The following UBE2D2 variants were observed in gnomAD, a reference collection of about 807,000 sequenced individuals.
The protein encoded by UBE2D2 is ubiquitin conjugating enzyme E2 D2, also known as ubiquitin-conjugating enzyme E2 D2.
In UBE2D2, 2 loss-of-function variants were observed where a neutral mutation model predicts 24.2. That is an observed-to-expected ratio of 0.08 (90% confidence interval 0.03 to 0.26). The LOEUF (loss-of-function observed/expected upper bound fraction) is 0.26, where lower values mean the gene tolerates loss of function less well. Among genes scored for constraint, UBE2D2 ranks in the 10% least tolerant of loss-of-function variants. The probability of loss-of-function intolerance (pLI) is 1.00; values close to 1 mark genes in which losing one functional copy is unlikely to be tolerated. For synonymous variants in UBE2D2, 58 were observed against 56.5 expected (o/e 1.03, Z -0.12); for missense variants, 44 against 177.6 (o/e 0.25, Z 4.28).
intron 1 of UBE2D2, among the ~76,000 whole-genome samples, chr5:139,591,646 T>C (rs1216471555): frequency 6.6e-6 from 1 of 152,194 alleles, no homozygotes. Flanking sequence ...GTCTATCAGC[T>C]GCAGATGATT....
intron 1 of UBE2D2, among the ~76,000 whole-genome samples, chr5:139,563,192 A>C (rs953051994): frequency 6.6e-6 from 1 of 152,194 alleles, no homozygotes; most frequent in Non-Finnish European, 1.5e-5. Context: ...ACTAAGTCAG[A>C]ATACAGATTG....
intron 1 of UBE2D2, chr5:139,562,129 C>T: frequency 1.7e-6 from 2 of 1,164,338 alleles, no homozygotes; most frequent in South Asian, 1.5e-5. Flanking sequence ...CATTGTCGGG[C>T]CAGGATGGCG....
chr5:139,531,684 G>A (rs905870669), intron 1 of UBE2D2, among the ~76,000 whole-genome samples: 4 of 151,816 alleles, frequency 2.6e-5, no homozygotes, highest in Middle Eastern at 3.4e-3. Context: ...ATGCCTGGCT[G>A]GACACTGTGG....
At chr5:139,576,334 GA>G (rs1296885435) in intron 1 of UBE2D2, among the ~76,000 whole-genome samples, 1 of 152,112 alleles carries the variant, frequency 6.6e-6, no homozygotes, top group Non-Finnish European at 1.5e-5. Context: ...AACTTTGGTG[GA>G]TGTCAGCATT....
At chr5:139,542,015 C>T (rs1319219611) in intron 1 of UBE2D2, among the ~76,000 whole-genome samples, 2 of 152,002 alleles carry the variant, frequency 1.3e-5, no homozygotes, top group Non-Finnish European at 2.9e-5. Flanking sequence ...GGCAAAAACC[C>T]ATCTCTACTA....
At chr5:139,566,903 G>A (rs1262394905) in intron 1 of UBE2D2, among the ~76,000 whole-genome samples, 1 of 150,986 alleles carries the variant, frequency 6.6e-6, no homozygotes, top group Non-Finnish European at 1.5e-5. Context: ...CAGATTTTTT[G>A]GCAACCGATT....
At chr5:139,556,271 C>A (rs535103015), upstream of UBE2D2, among the ~76,000 whole-genome samples, 2 of 150,680 alleles carry the variant, frequency 1.3e-5, no homozygotes, top group South Asian at 2.1e-4. Context: ...ATTAGCTGGG[C>A]GTGGTGGTGC....
chr5:139,578,437 TG>T (rs1300367527), intron 1 of UBE2D2, among the ~76,000 whole-genome samples: 28 of 83,504 alleles, frequency 3.4e-4, no homozygotes, highest in Admixed American at 3.0e-3. Context: ...TTGTGTTTTG[TG>T]TGTGTGTGTG....
At chr5:139,595,391 T>C (rs1753937635) in intron 1 of UBE2D2, among the ~76,000 whole-genome samples, 3 of 152,098 alleles carry the variant, frequency 2.0e-5, no homozygotes, top group Non-Finnish European at 4.4e-5. Context: ...TTTTTTTTTT[T>C]CCTTGAGTCG....
intron 1 of UBE2D2, among the ~76,000 whole-genome samples, chr5:139,530,102 C>G (rs543314072): frequency 9.2e-5 from 14 of 152,296 alleles, no homozygotes; most frequent in African/African-American, 3.4e-4. Flanking sequence ...TTGTCTTAGG[C>G]AAAAGCTGTA....
At chr5:139,567,254 C>A (rs2126651432) in intron 1 of UBE2D2, among the ~76,000 whole-genome samples, 1 of 152,158 alleles carries the variant, frequency 6.6e-6, no homozygotes, top group East Asian at 1.9e-4. Flanking sequence ...CTCGCACCAC[C>A]ACGCCCAGCT....
intron 1 of UBE2D2, among the ~76,000 whole-genome samples, chr5:139,534,697 T>C (rs1273989394): frequency 6.6e-6 from 1 of 151,652 alleles, no homozygotes. Context: ...GATCATGCCA[T>C]TGCACTCCAG....
At chr5:139,610,828 G>A (rs1754302752) in intron 2 of UBE2D2, among the ~76,000 whole-genome samples, 1 of 152,054 alleles carries the variant, frequency 6.6e-6, no homozygotes, top group South Asian at 2.1e-4. Flanking sequence ...TCCAGTCTGG[G>A]TGACAAGGAG....
intron 1 of UBE2D2, among the ~76,000 whole-genome samples, chr5:139,572,596 T>TA (rs527721963): frequency 2.1e-4 from 31 of 145,448 alleles, no homozygotes; most frequent in South Asian, 4.3e-4. Context: ...ATCTGTCTCT[T>TA]AAAAAAAAAA....
intron 1 of UBE2D2, among the ~76,000 whole-genome samples, chr5:139,533,373 G>A (rs909342361): frequency 9.9e-5 from 15 of 152,028 alleles, no homozygotes; most frequent in East Asian, 2.0e-4. Flanking sequence ...AAAAGGGGCC[G>A]GGCGTGGTGG....
At chr5:139,527,070 A>T (rs1014268184) in intron 1 of UBE2D2, among the ~76,000 whole-genome samples, 34 of 152,292 alleles carry the variant, frequency 2.2e-4, no homozygotes, top group Non-Finnish European at 3.5e-4. Flanking sequence ...TTAAAAAAAA[A>T]TTTCAAGATT....
chr5:139,603,049 T>G (rs1257074093), intron 2 of UBE2D2, among the ~76,000 whole-genome samples: 1 of 152,166 alleles, frequency 6.6e-6, no homozygotes, highest in Non-Finnish European at 1.5e-5. Context: ...CTCATGGAGA[T>G]TCTCCATGTG....
chr5:139,600,252 G>GA, intron 1 of UBE2D2, 120 bp from the exon 2 acceptor site: 1 of 1,054,438 alleles, frequency 9.5e-7, no homozygotes, highest in Non-Finnish European at 1.4e-6. Flanking sequence ...TACTCTGAAG[G>GA]AATGCTCTTA....
chr5:139,564,884 A>T (rs1753186344), intron 1 of UBE2D2, among the ~76,000 whole-genome samples: 1 of 152,182 alleles, frequency 6.6e-6, no homozygotes, highest in Non-Finnish European at 1.5e-5. Context: ...TTGGTATACC[A>T]CTCAAAAAGA....
Sources: gnomAD v4.1 joint callset for allele counts (sites outside exome capture counted in the v4.1 genomes callset) on GRCh38, gnomAD v4.1.1 for gene constraint, MANE v1.5 for transcripts, NCBI Gene and HGNC (gene_info 2026-07-23, HGNC 2026-07-21) for gene names.